POLR3B: variants seen among roughly 807,000 people sequenced by gnomAD.
POLR3B encodes the protein DNA-directed RNA polymerase III subunit RPC2.
A neutral mutation model predicts 147.4 loss-of-function variants in POLR3B; 96 were observed. The ratio of observed to expected loss-of-function variants is 0.65; its 90% CI spans 0.55 to 0.77. POLR3B has a LOEUF of 0.77. Ranked by LOEUF, POLR3B falls within the 30% of genes least tolerant of loss-of-function variation. The probability of loss-of-function intolerance (pLI) is 0.00; values close to 1 mark genes in which losing one functional copy is unlikely to be tolerated. For synonymous variants in POLR3B, 461 were observed against 485.9 expected (o/e 0.95, Z 0.67); for missense variants, 1,036 against 1,413.5 (o/e 0.73, Z 4.28).
At chr12:106,413,569 T>G (rs1252329560) in intron 12 of POLR3B, among the ~76,000 whole-genome samples, 1 of 152,134 alleles carries the variant, frequency 6.6e-6, no homozygotes, top group East Asian at 1.9e-4. Flanking sequence ...TTCTGTCTTA[T>G]CTCTCTAGGT....
intron 6 of POLR3B, among the ~76,000 whole-genome samples, 154 bp downstream of exon 6, chr12:106,369,837 A>G (rs557241434): frequency 2.5e-4 from 38 of 152,332 alleles, no homozygotes; most frequent in African/African-American, 8.2e-4. Context: ...TGTCCAGCAC[A>G]TAGTCGTGGT....
intron 9 of POLR3B, among the ~76,000 whole-genome samples, chr12:106,390,677 G>A (rs900394625): frequency 6.0e-5 from 9 of 149,642 alleles, no homozygotes; most frequent in African/African-American, 9.9e-5. Flanking sequence ...TATAGAAAAA[G>A]GTCTTGCATC....
At chr12:106,438,942 A>T (rs1032518014) in intron 18 of POLR3B, among the ~76,000 whole-genome samples, 1 of 152,234 alleles carries the variant, frequency 6.6e-6, no homozygotes, top group Non-Finnish European at 1.5e-5. Context: ...TTTAGAGTAC[A>T]TTAAAGAACA....
At chr12:106,412,739 G>A (rs532148282) in intron 12 of POLR3B, among the ~76,000 whole-genome samples, 2 of 152,260 alleles carry the variant, frequency 1.3e-5, no homozygotes, top group African/African-American at 4.8e-5. Flanking sequence ...TTGGCCATTT[G>A]CAGGCATATG....
intron 19 of POLR3B, among the ~76,000 whole-genome samples, chr12:106,449,491 A>G (rs905349928): frequency 1.3e-5 from 2 of 152,186 alleles, no homozygotes; most frequent in African/African-American, 4.8e-5. Flanking sequence ...CCTACTGTTG[A>G]CTGGAAGCCT....
chr12:106,385,529 C>G (rs530190657), intron 9 of POLR3B, among the ~76,000 whole-genome samples: 1 of 152,102 alleles, frequency 6.6e-6, no homozygotes, highest in Admixed American at 6.5e-5. Context: ...TTCGTTGAAA[C>G]GGAAAAGCAT....
chr12:106,361,348 G>C (rs529559684), intron 1 of POLR3B, among the ~76,000 whole-genome samples: 1 of 152,260 alleles, frequency 6.6e-6, no homozygotes, highest in South Asian at 2.1e-4. Flanking sequence ...TAGGACTCCC[G>C]GGTATCTAAT....
chr12:106,427,994 G>C (rs559992099), intron 13 of POLR3B, among the ~76,000 whole-genome samples: 76 of 152,296 alleles, frequency 5.0e-4, no homozygotes, highest in African/African-American at 1.8e-3. Flanking sequence ...ACAAAGCATA[G>C]TATAATCTAC....
In POLR3B at chr12:106,434,458, T is replaced by C. The variant is rs532187693; in HGVS notation, c.1781+586T>C. Among the ~76,000 whole-genome samples, 8 of 151,884 alleles carry C rather than the reference T, an allele frequency of 5.3e-5. No individual in the cohort carries two copies. The South Asian group carries it at 1.7e-3, about 32-fold the overall frequency. On this transcript the variant is annotated intron_variant, in intron 16 of 27. Transcript: ENST00000228347. Reference sequence around the variant, plus strand: ...CTGAAAAAAGGCAAGAATGAAAACATGGAGGCATGAAGAAATAAAATAACA... The same window carrying C: ...CTGAAAAAAGGCAAGAATGAAAACACGGAGGCATGAAGAAATAAAATAACA...
intron 9 of POLR3B, among the ~76,000 whole-genome samples, chr12:106,383,646 G>T (rs931637836): frequency 3.3e-5 from 5 of 151,996 alleles, no homozygotes; most frequent in Admixed American, 1.3e-4. Flanking sequence ...TTACGAGCAC[G>T]GTTTGTGGCA....
At position 106,459,259 on chromosome 12, in the gene POLR3B, G is replaced by C. The variant is rs1218609049; in HGVS notation, c.2461G>C (p.Val821Leu). ...ADGICSPGEK[V>L]ENKQVLVNKS... is the part of the protein sequence containing the mutation. Reference sequence around the variant, plus strand: ...TTTTCTTTTTTTCTCAGGTGAGAAAGTAGAAAACAAACAAGTGCTTGTAAA... The same window carrying C: ...TTTTCTTTTTTTCTCAGGTGAGAAACTAGAAAACAAACAAGTGCTTGTAAA... The change falls in exon 22 of 28, where the codon GTA (valine) becomes CTA (leucine). Residue 821 changes from valine to leucine, a missense_variant. Physicochemically the swap from Val to Leu is conservative, Grantham distance 32. Around this residue, in one of 12 missense-constraint regions of POLR3B, gnomAD observed 202 missense variants for 272.8 expected, o/e 0.74. Transcript: ENST00000228347. The C allele has an allele frequency of 3.8e-6, 6 of 1,580,374 alleles. No homozygotes were observed. Among genetic ancestry groups the C allele is most frequent in the Non-Finnish European group, 5.2e-6 (6 of 1,149,356 alleles).
rs116826058 is a variant in POLR3B at position 106,378,769 on chromosome 12, A to G, written c.614+385A>G. On this transcript the variant is annotated intron_variant, in intron 8 of 27. Transcript: ENST00000228347. The stretch of plus-strand genomic sequence containing the variant: ...TCCTGCATCAGTATGATCAGGGACT[A>G]TTTGACACTTAATATTGAATGACCT... Among the ~76,000 whole-genome samples, 1,181 of 152,270 alleles carry G rather than the reference A, an allele frequency of 7.8e-3. 18 individuals are homozygous for G. The highest frequency in any genetic ancestry group is 0.027 in the African/African-American group (1,127 of 41,558).
intron 12 of POLR3B, among the ~76,000 whole-genome samples, chr12:106,426,641 G>A (rs918947269): frequency 6.6e-6 from 1 of 152,056 alleles, no homozygotes; most frequent in African/African-American, 2.4e-5. Flanking sequence ...CAATCCCTCA[G>A]AGTGATTACT....
At chr12:106,457,059 T>C in intron 20 of POLR3B, 79 bp from the exon 21 acceptor site, 1 of 1,241,426 alleles carries the variant, frequency 8.1e-7, no homozygotes. Context: ...TGGAGTGGAT[T>C]GTTGAGTAGC....
chr12:106,501,146 A>G (rs1364306570), intron 25 of POLR3B, among the ~76,000 whole-genome samples, 177 bp from the exon 26 acceptor site: 2 of 152,218 alleles, frequency 1.3e-5, no homozygotes, highest in African/African-American at 4.8e-5. Context: ...ATCTTTAAAT[A>G]TAGCTATGGT....
intron 10 of POLR3B, among the ~76,000 whole-genome samples, chr12:106,393,417 G>A (rs1036719445): frequency 6.6e-6 from 1 of 150,998 alleles, no homozygotes; most frequent in African/African-American, 2.4e-5. Flanking sequence ...ATAATAGGAA[G>A]TACTGTTTTT....
chr12:106,402,190 T>C (rs199816424), intron 10 of POLR3B, among the ~76,000 whole-genome samples: 2 of 152,120 alleles, frequency 1.3e-5, no homozygotes, highest in African/African-American at 4.8e-5. Context: ...AGCCAAATCA[T>C]GAGTGAACTC....
intron 10 of POLR3B, among the ~76,000 whole-genome samples, chr12:106,404,828 A>T (rs1161021118): frequency 6.6e-6 from 1 of 152,134 alleles, no homozygotes; most frequent in East Asian, 1.9e-4. Flanking sequence ...CAAGGTCAGA[A>T]ATATATTCTT....
At chr12:106,385,232 G>A (rs545367548) in intron 9 of POLR3B, among the ~76,000 whole-genome samples, 1 of 152,304 alleles carries the variant, frequency 6.6e-6, no homozygotes, top group South Asian at 2.1e-4. Context: ...TTTTCCTGGA[G>A]CAATGGTTCA....
Sources: allele counts gnomAD v4.1 joint callset (sites outside exome capture counted in the v4.1 genomes callset), GRCh38; gene constraint gnomAD v4.1.1; regional missense constraint gnomAD v4.1.1; transcripts MANE v1.5; gene names NCBI Gene and HGNC (gene_info 2026-07-23, HGNC 2026-07-21).